Variants in SYNE2 observed in about 807,000 individuals in gnomAD.
SYNE2 encodes spectrin repeat containing nuclear envelope protein 2, also known as nesprin-2.
In SYNE2, 431 loss-of-function variants were observed where a neutral mutation model predicts 856.3. The ratio of observed to expected loss-of-function variants is 0.50; its 90% CI spans 0.47 to 0.55. The LOEUF (loss-of-function observed/expected upper bound fraction) is 0.55, where lower values mean the gene tolerates loss of function less well. SYNE2 is among the 20% of genes least tolerant of loss of function. SYNE2 has a pLI of 0.00. For missense variants in SYNE2, 8,129 were observed against 8,023.2 expected, an observed-to-expected ratio of 1.01 and a Z score of -0.50; for synonymous variants, 2,923 against 2,872.3, an observed-to-expected ratio of 1.02 and a Z score of -0.56.
rs181966989 is a variant in SYNE2 at position 64,025,354 on chromosome 14, A to G, written c.6185A>G (p.Glu2062Gly). 1.2e-5 allele frequency: 20 copies of G among 1,614,048 alleles called. No individual in the cohort carries two copies. In the East Asian group the frequency reaches 4.0e-4, roughly 32 times the overall value. Residue 2062 changes from glutamate to glycine, a missense_variant, in exon 41 of 116, where the codon GAG (glutamate) becomes GGG (glycine). Physicochemically the swap from Glu to Gly is moderately conservative, Grantham distance 98. Around this residue, in one of 3 missense-constraint regions of SYNE2, gnomAD observed 2,422 missense variants for 2,357.4 expected, o/e 1.03. Coordinates refer to ENST00000555002, the MANE Select transcript of SYNE2 (RefSeq NM_182914.3). ...ATTCATTGGATAAAAGAGATTAAAGAGTCCCTTATGGTTTTGAATTCATCC... is the reference window on the plus strand; with the variant it reads ...ATTCATTGGATAAAAGAGATTAAAGGGTCCCTTATGGTTTTGAATTCATCC... ...DVIHWIKEIKESLMVLNSSEG... is the reference protein window; with the variant it reads ...DVIHWIKEIKGSLMVLNSSEG...
At chr14:63,999,070 T>A in intron 27 of SYNE2, 30 bp downstream of exon 27, 1 of 1,605,336 alleles carries the variant, frequency 6.2e-7, no homozygotes, top group African/African-American at 1.3e-5. Flanking sequence ...TTTCTCTGAT[T>A]ATCTTGTTTA....
At chr14:64,016,697 T>A in intron 33 of SYNE2, 66 bp downstream of exon 33, 1 of 1,089,100 alleles carries the variant, frequency 9.2e-7, no homozygotes, top group East Asian at 2.4e-5. Flanking sequence ...ATCTTTAGTA[T>A]TTTTATTTAA....
rs550575503 is a variant in SYNE2 at position 64,065,080 on chromosome 14, G to C, written c.10213-352G>C. Among the ~76,000 whole-genome samples, 14 of 152,052 alleles carry C rather than the reference G, an allele frequency of 9.2e-5. No individual in the cohort carries two copies. In the South Asian group the frequency reaches 2.9e-3, roughly 32 times the overall value. On this transcript the variant is annotated intron_variant, in intron 50 of 115. Coordinates refer to ENST00000555002, the MANE Select transcript of SYNE2 (RefSeq NM_182914.3). ...GGGTTTCAACATGTTGGCCAGGATG[G>C]TCTCGATCTCCTGATCTCATGATCC... is the stretch of plus-strand genomic sequence containing the variant.
intron 1 of SYNE2, among the ~76,000 whole-genome samples, chr14:63,813,031 G>A (rs1054689144): frequency 6.6e-6 from 1 of 152,320 alleles, no homozygotes; most frequent in Non-Finnish European, 1.5e-5. Context: ...CTCAAGAAGA[G>A]AGGAATTCAC....
intron 10 of SYNE2, among the ~76,000 whole-genome samples, chr14:63,965,190 T>G (rs1206692509): frequency 6.6e-6 from 1 of 152,148 alleles, no homozygotes; most frequent in Non-Finnish European, 1.5e-5. Context: ...CTTGAACCCC[T>G]GACTTCAAGT....
rs1250086965 is a variant in SYNE2, at chr14:64,223,344, A to G, written c.20346A>G (p.Gln6782=). ...IEKKLKQLRE[Q]VSQDLMALQG... ...AGAAACTCAAACAGTTACGGGAGCAAGTGTCCCAAGATTTAATGGCCTTGC... is the reference window on the plus strand; with the variant it reads ...AGAAACTCAAACAGTTACGGGAGCAGGTGTCCCAAGATTTAATGGCCTTGC... Residue 6782 remains glutamine (Q), a synonymous_variant, in exon 113 of 116, where the codon CAA becomes CAG. Coordinates refer to ENST00000555002, the MANE Select transcript of SYNE2 (RefSeq NM_182914.3). 2.5e-6 allele frequency: 4 copies of G among 1,614,018 alleles called. No individual in the cohort carries two copies. The highest frequency in any genetic ancestry group is 3.4e-6 in the Non-Finnish European group (4 of 1,180,000).
chr14:63,856,072 A>G (rs57245237), intron 1 of SYNE2, among the ~76,000 whole-genome samples: 5,840 of 152,252 alleles, frequency 0.038, 237 homozygotes, highest in African/African-American at 0.097. Context: ...AGGATGCTCA[A>G]AGGCCTCCAG....
chr14:63,810,642 G>A (rs1251185523), intron 1 of SYNE2, among the ~76,000 whole-genome samples: 1 of 152,110 alleles, frequency 6.6e-6, no homozygotes, highest in Non-Finnish European at 1.5e-5. Flanking sequence ...TGATAAGGAT[G>A]ATTATAGTTT....
chr14:64,087,335 C>A, intron 57 of SYNE2: 1 of 485,786 alleles, frequency 2.1e-6, no homozygotes, highest in South Asian at 1.6e-5. Context: ...GCTATTTTGA[C>A]ATCTTAAATT....
intron 1 of SYNE2, among the ~76,000 whole-genome samples, chr14:63,841,213 G>A (rs1217991530): frequency 6.6e-6 from 1 of 152,124 alleles, no homozygotes; most frequent in African/African-American, 2.4e-5. Context: ...TGGTTCTCTG[G>A]TGCACCACAG....
chr14:64,037,276 C>CGGAA (rs2097098617), intron 45 of SYNE2, among the ~76,000 whole-genome samples: 1 of 151,740 alleles, frequency 6.6e-6, no homozygotes. Flanking sequence ...GAGGACCCTG[C>CGGAA]GGCCTTCCGC....
chr14:63,825,330 A>G (rs1889384164), intron 1 of SYNE2, among the ~76,000 whole-genome samples: 1 of 152,322 alleles, frequency 6.6e-6, no homozygotes, highest in South Asian at 2.1e-4. Context: ...TGGCAATAAC[A>G]TAAACTTTTA....
At chr14:63,825,419 C>T (rs989139293) in intron 1 of SYNE2, among the ~76,000 whole-genome samples, 1 of 151,742 alleles carries the variant, frequency 6.6e-6, no homozygotes, top group Non-Finnish European at 1.5e-5. Context: ...AAGAGCAATA[C>T]ACAAAAATCA....
At chr14:63,915,415 T>C (rs1337527340) in intron 2 of SYNE2, among the ~76,000 whole-genome samples, 1 of 152,228 alleles carries the variant, frequency 6.6e-6, no homozygotes, top group East Asian at 1.9e-4. Context: ...AAAGGACATA[T>C]GAATTTCTGT....
chr14:63,994,894 ATC>A, intron 22 of SYNE2, 148 bp from the exon 23 acceptor site: 1 of 501,064 alleles, frequency 2.0e-6, no homozygotes. Context: ...GTTTTAAAAC[ATC>A]TCCCCCCAAA....
intron 1 of SYNE2, among the ~76,000 whole-genome samples, chr14:63,867,381 TAAAA>T (rs561880955): frequency 7.7e-6 from 1 of 129,486 alleles, no homozygotes. Context: ...TTCCTCCTCT[TAAAA>T]AAAAAAAAAA....
intron 18 of SYNE2, among the ~76,000 whole-genome samples, chr14:63,985,584 C>A (rs556361936): frequency 6.6e-6 from 1 of 152,190 alleles, no homozygotes; most frequent in African/African-American, 2.4e-5. Context: ...TGTTTATAGT[C>A]ACCCTAATTT....
intron 112 of SYNE2, 105 bp from the exon 113 acceptor site, chr14:64,223,084 C>T: frequency 8.9e-7 from 1 of 1,119,440 alleles, no homozygotes; most frequent in Admixed American, 1.8e-5. Flanking sequence ...TGAGTACTAC[C>T]CATCATTCAT....
chr14:64,222,598 C>T (rs995855016), intron 112 of SYNE2, among the ~76,000 whole-genome samples: 18 of 152,078 alleles, frequency 1.2e-4, no homozygotes, highest in Admixed American at 1.1e-3. Context: ...TGGTGGCAGG[C>T]GCCTGTAATC....
Sources: allele counts gnomAD v4.1 joint callset (sites outside exome capture counted in the v4.1 genomes callset), GRCh38; gene constraint gnomAD v4.1.1; regional missense constraint gnomAD v4.1.1; transcripts MANE v1.5; gene names NCBI Gene and HGNC (gene_info 2026-07-23, HGNC 2026-07-21).